The following DTNA variants were observed in gnomAD, a reference collection of about 807,000 sequenced individuals.
DTNA encodes the protein dystrobrevin alpha, also known as dystrophin-related protein 3.
In DTNA, 43 loss-of-function variants were observed where a neutral mutation model predicts 100.7. The ratio of observed to expected loss-of-function variants is 0.43; its 90% confidence interval spans 0.33 to 0.55. The LOEUF (loss-of-function observed/expected upper bound fraction) is 0.55. Ranked by LOEUF, DTNA falls within the 20% of genes least tolerant of loss-of-function variation. The pLI, the probability that DTNA is intolerant of heterozygous loss-of-function variation, is 0.04. For missense variants in DTNA, 798 were observed against 953.9 expected (o/e 0.84, Z 2.15); for synonymous variants, 349 against 347.9 (o/e 1.00, Z -0.04).
chr18:34,846,433 C>T (rs1234987054), intron 13 of DTNA, among the ~76,000 whole-genome samples: 3 of 152,056 alleles, frequency 2.0e-5, no homozygotes, highest in African/African-American at 7.2e-5. Flanking sequence ...ATGCTTTTTG[C>T]ATACATTATC....
chr18:34,736,160 C>T (rs2089538566), intron 1 of DTNA, among the ~76,000 whole-genome samples: 1 of 152,152 alleles, frequency 6.6e-6, no homozygotes, highest in South Asian at 2.1e-4. Flanking sequence ...TGTAGCTGCA[C>T]CTTCAGATTA....
Position 34,794,051 on chromosome 18 carries a change from A to G in DTNA, c.163A>G (p.Ile55Val), listed in dbSNP as rs1487690122. Residue 55 changes from isoleucine to valine, a missense_variant, in exon 4 of 23, where the codon ATA (isoleucine) becomes GTA (valine). Around this residue, in one of 6 missense-constraint regions of DTNA, gnomAD observed 197 missense variants for 215.4 expected, o/e 0.91. Transcript: ENST00000444659. ...QKKCNLHLVD[I>V]WNVIEALREN... ...TTTAATTGTAGTGCACCTGGTGGAC[A>G]TATGGAATGTCATAGAAGCATTGCG... is the stretch of plus-strand genomic sequence containing the variant. 4 of 1,614,094 alleles carry G rather than the reference A, an allele frequency of 2.5e-6. No individual in the cohort carries two copies. Among genetic ancestry groups the G allele is most frequent in the Admixed American group, 1.7e-5 (1 of 59,994 alleles).
At chr18:34,720,130 G>A (rs1170367477) in intron 1 of DTNA, among the ~76,000 whole-genome samples, 1 of 152,186 alleles carries the variant, frequency 6.6e-6, no homozygotes, top group African/African-American at 2.4e-5. Context: ...GCATAGTCAT[G>A]AGGGGGTGGA....
intron 15 of DTNA, among the ~76,000 whole-genome samples, chr18:34,853,778 A>C (rs2096517366): frequency 6.6e-6 from 1 of 152,236 alleles, no homozygotes; most frequent in Non-Finnish European, 1.5e-5. Context: ...TTATAAAAAA[A>C]AATAGCCATA....
rs185794253 is a variant in DTNA at position 34,621,551 on chromosome 18, A to G, written c.-2+128037A>G. ...AACGTGGATGAACTTGAAGGACATC[A>G]TGTTAAGTGAAATAAGCCAGGCACA... On this transcript the variant is annotated intron_variant, in intron 1 of 19. Coordinates refer to the DTNA transcript ENST00000283365. Among the ~76,000 whole-genome samples, 764 of 151,034 alleles carry G rather than the reference A, an allele frequency of 5.1e-3. 6 individuals are homozygous for G. Among genetic ancestry groups the G allele is most frequent in the African/African-American group, 0.017 (714 of 41,104 alleles).
In DTNA at chr18:34,579,028, C is replaced by T. The variant is rs527924104; in HGVS notation, c.-2+85514C>T. Among the ~76,000 whole-genome samples, 5 of 152,034 alleles carry T rather than the reference C, an allele frequency of 3.3e-5. No individual in the cohort carries two copies. In the South Asian group the frequency reaches 8.3e-4, roughly 25 times the overall value. On this transcript the variant is annotated intron_variant, in intron 1 of 19. Coordinates refer to the DTNA transcript ENST00000283365. ...TTTTATTATTTCTTTTTATCTCTTC[C>T]ATTGATGTTTTCTACTACACCTCAA...
chr18:34,607,873 G>A (rs1362973557), intron 1 of DTNA, among the ~76,000 whole-genome samples: 1 of 152,168 alleles, frequency 6.6e-6, no homozygotes, highest in African/African-American at 2.4e-5. Context: ...TAAGAAAAAG[G>A]CCAAAGAGGT....
chr18:34,550,290 A>G (rs2045265419), intron 1 of DTNA, among the ~76,000 whole-genome samples: 1 of 152,062 alleles, frequency 6.6e-6, no homozygotes, highest in Admixed American at 6.6e-5. Flanking sequence ...ACTATTTTCT[A>G]AGGGACTAGT....
intron 13 of DTNA, among the ~76,000 whole-genome samples, chr18:34,847,779 C>T (rs1386194073): frequency 6.6e-6 from 1 of 152,184 alleles, no homozygotes; most frequent in Non-Finnish European, 1.5e-5. Flanking sequence ...AGTGACATTC[C>T]ATTCCTTCTG....
At chr18:34,672,021 C>A (rs543087938) in intron 1 of DTNA, among the ~76,000 whole-genome samples, 1 of 152,226 alleles carries the variant, frequency 6.6e-6, no homozygotes, top group East Asian at 1.9e-4. Context: ...ACTTAACCTG[C>A]AAAATTCAAT....
chr18:34,655,037 A>G (rs2074164752), intron 1 of DTNA, among the ~76,000 whole-genome samples: 1 of 152,016 alleles, frequency 6.6e-6, no homozygotes, highest in Admixed American at 6.6e-5. Flanking sequence ...TAATTTTTTT[A>G]ATAGGGATAA....
At chr18:34,501,525 T>A (rs868581368) in intron 1 of DTNA, among the ~76,000 whole-genome samples, 4 of 152,208 alleles carry the variant, frequency 2.6e-5, no homozygotes, top group Middle Eastern at 3.2e-3. Flanking sequence ...AGAGATTACA[T>A]AGGATTCATG....
At position 34,864,016 on chromosome 18, in the gene DTNA, G is replaced by A. The variant is rs1182876157; in HGVS notation, c.1697G>A (p.Arg566Gln). The A allele has an allele frequency of 4.3e-6, 7 of 1,612,120 alleles. No individual in the cohort carries two copies. Among genetic ancestry groups the A allele is most frequent in the African/African-American group, 4.0e-5 (3 of 74,870 alleles). Reference protein sequence around the residue: ...EQRMSALQESRRELMVQLEGL... With the variant: ...EQRMSALQESQRELMVQLEGL... Reference sequence around the variant, plus strand: ...AGAATGTCTGCTCTCCAGGAGAGCCGGAGAGAGCTAATGGTCCAGTTGGAG... The same window carrying A: ...AGAATGTCTGCTCTCCAGGAGAGCCAGAGAGAGCTAATGGTCCAGTTGGAG... The change falls in exon 17 of 23, where the codon CGG becomes CAG. Residue 566 changes from arginine (R) to glutamine (Q), a missense_variant. Transcript: ENST00000444659.
chr18:34,528,623 T>A (rs2042868625), intron 1 of DTNA, among the ~76,000 whole-genome samples: 1 of 152,070 alleles, frequency 6.6e-6, no homozygotes, highest in African/African-American at 2.4e-5. Context: ...ACTAATGCAT[T>A]AGTGTCATGT....
chr18:34,680,554 T>C (rs1466848160), intron 1 of DTNA, among the ~76,000 whole-genome samples: 1 of 152,184 alleles, frequency 6.6e-6, no homozygotes, highest in Non-Finnish European at 1.5e-5. Context: ...CTAAATCTAA[T>C]CTGAAAGGCA....
chr18:34,794,661 CAAGA>C (rs1203824785), intron 4 of DTNA, among the ~76,000 whole-genome samples: 4 of 152,084 alleles, frequency 2.6e-5, no homozygotes, highest in Non-Finnish European at 4.4e-5. Context: ...CTACAGCAAA[CAAGA>C]AAGAAATTGA....
At position 34,608,130 on chromosome 18, in the gene DTNA, C is replaced by T. The variant is rs12604885; in HGVS notation, c.-2+114616C>T. On this transcript the variant is annotated intron_variant, in intron 1 of 19. Transcript: ENST00000283365. Reference sequence around the variant, plus strand: ...GACTCAATTATAATTTTCAATCTTACGAAAAGAACTGTGCCATGTCCTCCT... The same window carrying T: ...GACTCAATTATAATTTTCAATCTTATGAAAAGAACTGTGCCATGTCCTCCT... Among the ~76,000 whole-genome samples the T allele has an allele frequency of 4.7e-3, 712 of 152,244 alleles. 18 individuals are homozygous for T. The highest frequency in any genetic ancestry group is 0.031 in the Admixed American group (475 of 15,288).
Position 34,653,972 on chromosome 18 carries a change from T to G in DTNA, c.-1-102004T>G, listed in dbSNP as rs568941765. On this transcript the variant is annotated intron_variant, in intron 1 of 19. Coordinates refer to the DTNA transcript ENST00000283365. ...AGCCTCCTTATATCTATCCAAAGGGTTTTGATGAGTTTTTCTTGTCAGCCA... is the reference window on the plus strand; with the variant it reads ...AGCCTCCTTATATCTATCCAAAGGGGTTTGATGAGTTTTTCTTGTCAGCCA... Among the ~76,000 whole-genome samples, 24 of 152,192 alleles carry G rather than the reference T, an allele frequency of 1.6e-4. No individual in the cohort carries two copies. In the South Asian group the frequency reaches 2.5e-3, roughly 16 times the overall value.
At chr18:34,667,892 T>G (rs1443952668) in intron 1 of DTNA, among the ~76,000 whole-genome samples, 1 of 152,164 alleles carries the variant, frequency 6.6e-6, no homozygotes, top group Admixed American at 6.5e-5. Flanking sequence ...TCTCTTTTTT[T>G]TGTTGTGTCT....
Sources: gnomAD v4.1 joint callset for allele counts (sites outside exome capture counted in the v4.1 genomes callset) on GRCh38, gnomAD v4.1.1 for gene constraint, gnomAD v4.1.1 regional missense constraint, MANE v1.5 for transcripts, NCBI Gene and HGNC (gene_info 2026-07-23, HGNC 2026-07-21) for gene names.